Variants in ADGRL2 observed in about 807,000 individuals in gnomAD.
ADGRL2 encodes adhesion G protein-coupled receptor L2.
ADGRL2 carries 44 observed loss-of-function variants against 157.4 expected under a neutral mutation model. The observed-to-expected ratio is 0.28, with a 90% CI of 0.22 to 0.36. The LOEUF is 0.36. Ranked by LOEUF, ADGRL2 falls within the 10% of genes least tolerant of loss-of-function variation. The probability of loss-of-function intolerance (pLI) is 1.00; values close to 1 mark genes in which losing one functional copy is unlikely to be tolerated. For missense variants in ADGRL2, 1,510 were observed against 1,768.9 expected (o/e 0.85, Z 2.63); for synonymous variants, 585 against 624.7 (o/e 0.94, Z 0.95).
intron 2 of ADGRL2, among the ~76,000 whole-genome samples, chr1:81,846,911 A>G (rs1247202308): frequency 6.6e-6 from 1 of 151,898 alleles, no homozygotes; most frequent in Non-Finnish European, 1.5e-5. Flanking sequence ...GGCTTTTTAA[A>G]AAGTTGGTAA....
intron 2 of ADGRL2, among the ~76,000 whole-genome samples, chr1:81,555,351 C>T (rs2080249311): frequency 6.6e-6 from 1 of 150,618 alleles, no homozygotes; most frequent in Admixed American, 6.6e-5. Flanking sequence ...TCACTGCAAC[C>T]TCTGTCTCCT....
At chr1:81,784,144 T>G (rs1303215078) in intron 2 of ADGRL2, among the ~76,000 whole-genome samples, 1 of 152,194 alleles carries the variant, frequency 6.6e-6, no homozygotes, top group African/African-American at 2.4e-5. Context: ...ATCTTAATAT[T>G]AACATTAACT....
At chr1:81,518,904 T>C (rs2079245060) in intron 2 of ADGRL2, among the ~76,000 whole-genome samples, 1 of 152,244 alleles carries the variant, frequency 6.6e-6, no homozygotes, top group African/African-American at 2.4e-5. Context: ...GTTTGCTTTA[T>C]TAAGTTTAAA....
chr1:81,646,086 G>A (rs544962972), intron 3 of ADGRL2, among the ~76,000 whole-genome samples: 8 of 152,058 alleles, frequency 5.3e-5, no homozygotes, highest in Admixed American at 2.0e-4. Flanking sequence ...CTCACTCATC[G>A]CAGTGTCCTT....
intron 2 of ADGRL2, among the ~76,000 whole-genome samples, chr1:81,790,894 T>C (rs2087305612): frequency 6.6e-6 from 1 of 151,870 alleles, no homozygotes; most frequent in South Asian, 2.1e-4. Context: ...TGAAACCCTG[T>C]CTCTGCCAAA....
chr1:81,393,168 T>C (rs1294676006), intron 1 of ADGRL2, among the ~76,000 whole-genome samples: 1 of 152,080 alleles, frequency 6.6e-6, no homozygotes, highest in East Asian at 1.9e-4. Context: ...ACTCTCTCAT[T>C]AGAGAGGAGA....
chr1:81,374,953 C>T (rs1409116688), intron 1 of ADGRL2, among the ~76,000 whole-genome samples: 1 of 152,124 alleles, frequency 6.6e-6, no homozygotes, highest in Non-Finnish European at 1.5e-5. Flanking sequence ...CTCCTTTGTC[C>T]AGATGGCTCT....
chr1:81,722,191 G>A, intron 1 of ADGRL2: 1 of 370,650 alleles, frequency 2.7e-6, no homozygotes, highest in Non-Finnish European at 5.2e-6. Flanking sequence ...TGCTCGGGAG[G>A]CTGAGGCAGG....
intron 1 of ADGRL2, chr1:81,426,462 G>A (rs1372574356): frequency 2.5e-6 from 1 of 396,088 alleles, no homozygotes; most frequent in Non-Finnish European, 4.9e-6. Flanking sequence ...TCAAAATGGA[G>A]GTAAAACTGA....
At chr1:81,801,131 A>G (rs1246838781) in intron 1 of ADGRL2, among the ~76,000 whole-genome samples, 63 bp downstream of exon 1, 1 of 152,050 alleles carries the variant, frequency 6.6e-6, no homozygotes, top group Non-Finnish European at 1.5e-5. Context: ...CAGCTGCTCA[A>G]ATGGAGTGGA....
At chr1:81,310,467 T>C (rs1173232575) in intron 1 of ADGRL2, among the ~76,000 whole-genome samples, 2 of 152,160 alleles carry the variant, frequency 1.3e-5, no homozygotes, top group Admixed American at 6.5e-5. Flanking sequence ...GTGGCAGAAG[T>C]TTGCAGAACA....
intron 3 of ADGRL2, among the ~76,000 whole-genome samples, chr1:81,663,630 C>T (rs1385966402): frequency 1.3e-5 from 2 of 152,136 alleles, no homozygotes; most frequent in Non-Finnish European, 2.9e-5. Flanking sequence ...TCTTCTTAAC[C>T]TATCATTGTA....
chr1:81,524,447 C>A (rs2079403216), intron 2 of ADGRL2, among the ~76,000 whole-genome samples: 1 of 152,066 alleles, frequency 6.6e-6, no homozygotes, highest in African/African-American at 2.4e-5. Flanking sequence ...ATTTGAGAAT[C>A]TATTTAGGAT....
chr1:81,779,485 A>C (rs2086727698), intron 2 of ADGRL2, among the ~76,000 whole-genome samples: 1 of 152,190 alleles, frequency 6.6e-6, no homozygotes, highest in Non-Finnish European at 1.5e-5. Flanking sequence ...ACTAAGGAAA[A>C]GCATTTTCGG....
intron 2 of ADGRL2, among the ~76,000 whole-genome samples, chr1:81,460,693 T>G (rs1255824712): frequency 6.6e-6 from 1 of 152,154 alleles, no homozygotes; most frequent in Admixed American, 6.5e-5. Flanking sequence ...AGCCACCCCT[T>G]TTACTTTATT....
chr1:81,608,922 G>A (rs2081486834), intron 3 of ADGRL2, among the ~76,000 whole-genome samples: 1 of 152,094 alleles, frequency 6.6e-6, no homozygotes, highest in African/African-American at 2.4e-5. Context: ...CTCAGGCTCT[G>A]GTCAAGACTC....
intron 1 of ADGRL2, among the ~76,000 whole-genome samples, chr1:81,801,464 C>G (rs976379844): frequency 6.6e-6 from 1 of 152,196 alleles, no homozygotes; most frequent in Non-Finnish European, 1.5e-5. Context: ...CTCACACACA[C>G]GCAGAGGTGC....
chr1:81,715,177 A>G (rs1015163047), intron 1 of ADGRL2, among the ~76,000 whole-genome samples: 3 of 29,924 alleles, frequency 1.0e-4, no homozygotes, highest in Non-Finnish European at 2.9e-4. Flanking sequence ...CTAATTTAGT[A>G]AATTTTTTTT....
At position 81,968,210 on chromosome 1, in the gene ADGRL2, G is replaced by T. The variant is rs1657689491; in HGVS notation, c.2523+11G>T. The T allele has an allele frequency of 6.2e-7, 1 of 1,608,084 alleles. No homozygotes were observed. The highest frequency in any genetic ancestry group is 1.7e-5 in the Admixed American group (1 of 58,410). On this transcript the variant is annotated intron_variant, in intron 14 of 23. Coordinates refer to ENST00000686636, the MANE Select transcript of ADGRL2 (RefSeq NM_001366006.2). The stretch of plus-strand genomic sequence containing the variant: ...CACAGGGAAATTGCAGTAAGTATTT[G>T]CACTTCTAATTAGTAGCAGAGAAAA...
Sources: allele counts gnomAD v4.1 joint callset (sites outside exome capture counted in the v4.1 genomes callset), GRCh38; gene constraint gnomAD v4.1.1; transcripts MANE v1.5; gene names NCBI Gene and HGNC (gene_info 2026-07-23, HGNC 2026-07-21).